The following CUL2 variants were observed in gnomAD, a reference collection of about 807,000 sequenced individuals.
The protein encoded by CUL2 is cullin-2.
CUL2 carries 22 observed loss-of-function variants against 110.2 expected under a neutral mutation model. The ratio of observed to expected loss-of-function variants is 0.20; its 90% CI spans 0.14 to 0.28. The LOEUF is 0.28. CUL2 is among the 10% of genes least tolerant of loss of function. The pLI is 1.00. For missense variants in CUL2, 631 were observed against 905.5 expected (o/e 0.70, Z 3.89); for synonymous variants, 279 against 293.2 (o/e 0.95, Z 0.49).
intron 15 of CUL2, among the ~76,000 whole-genome samples, 187 bp downstream of exon 15, chr10:35,029,301 C>A (rs2085419135): frequency 6.6e-6 from 1 of 152,160 alleles, no homozygotes; most frequent in African/African-American, 2.4e-5. Flanking sequence ...AAGAGATCTG[C>A]CTGCTTTGGC....
chr10:35,109,715 A>G (rs2087504723), intron 1 of CUL2, among the ~76,000 whole-genome samples: 1 of 152,232 alleles, frequency 6.6e-6, no homozygotes, highest in African/African-American at 2.4e-5. Context: ...GTGAAATAAA[A>G]TGAAAGCCAG....
chr10:35,082,295 C>G (rs2086962522), intron 1 of CUL2, among the ~76,000 whole-genome samples: 1 of 152,094 alleles, frequency 6.6e-6, no homozygotes, highest in Non-Finnish European at 1.5e-5. Flanking sequence ...ACACTAGACA[C>G]AAGGTGAAAA....
intron 1 of CUL2, among the ~76,000 whole-genome samples, chr10:35,104,139 T>C (rs1423431840): frequency 2.0e-5 from 3 of 152,088 alleles, no homozygotes; most frequent in Non-Finnish European, 1.5e-5. Flanking sequence ...CACACATACA[T>C]GCAGGGTCCA....
intron 8 of CUL2, among the ~76,000 whole-genome samples, chr10:35,041,713 T>A (rs948782784): frequency 6.6e-6 from 1 of 152,136 alleles, no homozygotes; most frequent in African/African-American, 2.4e-5. Context: ...GTTTTTTAAT[T>A]TTTTGTAGAG....
At chr10:35,110,266 T>C (rs1260178258) in intron 1 of CUL2, among the ~76,000 whole-genome samples, 1 of 152,140 alleles carries the variant, frequency 6.6e-6, no homozygotes, top group Non-Finnish European at 1.5e-5. Context: ...CTGGGTGGAT[T>C]AAAGAATAGA....
intron 1 of CUL2, among the ~76,000 whole-genome samples, chr10:35,083,325 A>C (rs1343832854): frequency 6.6e-6 from 1 of 152,206 alleles, no homozygotes; most frequent in Admixed American, 6.5e-5. Flanking sequence ...ACAAACACAC[A>C]TATACATGCA....
intron 1 of CUL2, among the ~76,000 whole-genome samples, chr10:35,073,377 T>G (rs755969745): frequency 1.3e-5 from 2 of 152,130 alleles, no homozygotes; most frequent in Non-Finnish European, 2.9e-5. Context: ...TCATCAACTG[T>G]GCACATGAGT....
At chr10:35,029,076 G>C (rs1410577336) in intron 15 of CUL2, among the ~76,000 whole-genome samples, 189 bp from the exon 16 acceptor site, 1 of 71,708 alleles carries the variant, frequency 1.4e-5, no homozygotes, top group South Asian at 4.1e-4. Context: ...TTTTTTTTTT[G>C]AGATGGAGTC....
rs185790998 is a variant in CUL2 at position 35,097,444 on chromosome 10, C to T, written c.167+3400G>A. Among the ~76,000 whole-genome samples the T allele has an allele frequency of 2.5e-3, 369 of 148,490 alleles. 3 individuals are homozygous for T. Among genetic ancestry groups the T allele is most frequent in the African/African-American group, 8.9e-3 (356 of 40,178 alleles). On this transcript the variant is annotated intron_variant, in intron 2 of 5. Coordinates refer to the CUL2 transcript ENST00000685421. ...GATTGAGATTGCAGTGAACTGTGAT[C>T]GCACCATTGCCCTCCAGCTTGGGCA...
intron 18 of CUL2, among the ~76,000 whole-genome samples, chr10:35,014,908 CA>C: frequency 6.6e-6 from 1 of 152,006 alleles, no homozygotes; most frequent in Non-Finnish European, 1.5e-5. Context: ...TTCTGGGCAG[CA>C]AAAATAGCAT....
intron 16 of CUL2, among the ~76,000 whole-genome samples, chr10:35,026,983 C>G (rs971519156): frequency 1.3e-5 from 2 of 151,862 alleles, no homozygotes; most frequent in Non-Finnish European, 2.9e-5. Flanking sequence ...ATCCCTCCCC[C>G]CTCCTCCCAG....
intron 19 of CUL2, 89 bp from the exon 20 acceptor site, chr10:35,012,053 CTTTTTTT>C (rs5784438): frequency 1.1e-5 from 5 of 475,720 alleles, no homozygotes; most frequent in East Asian, 8.2e-5. Context: ...AGTGCAAATA[CTTTTTTT>C]TTTTTTTTTT....
chr10:35,098,417 C>T (rs1488572595), intron 2 of CUL2, among the ~76,000 whole-genome samples: 3 of 152,020 alleles, frequency 2.0e-5, no homozygotes, highest in Non-Finnish European at 1.5e-5. Context: ...TTTTTCTGAA[C>T]TGTTACATCA....
chr10:35,047,916 A>G (rs77598809), intron 6 of CUL2, among the ~76,000 whole-genome samples: 3 of 151,912 alleles, frequency 2.0e-5, no homozygotes, highest in African/African-American at 7.2e-5. Context: ...AAAAAAAAAA[A>G]GGAAAAAAGG....
intron 16 of CUL2, among the ~76,000 whole-genome samples, chr10:35,026,342 C>G (rs2085335019): frequency 6.6e-6 from 1 of 152,038 alleles, no homozygotes; most frequent in Admixed American, 6.6e-5. Context: ...CTAATAACTC[C>G]CAGGGATATC....
chr10:35,051,570 G>C (rs2134856968), intron 5 of CUL2, among the ~76,000 whole-genome samples: 1 of 152,328 alleles, frequency 6.6e-6, no homozygotes, highest in East Asian at 1.9e-4. Flanking sequence ...CCGAGATCGT[G>C]CCACTGCACT....
chr10:35,053,613 G>C (rs1049164214), intron 5 of CUL2, among the ~76,000 whole-genome samples: 1 of 152,132 alleles, frequency 6.6e-6, no homozygotes. Context: ...TATTTTCCAA[G>C]TATGGATCAC....
intron 1 of CUL2, among the ~76,000 whole-genome samples, chr10:35,101,333 A>C (rs117314772): frequency 6.6e-6 from 1 of 152,338 alleles, no homozygotes; most frequent in Non-Finnish European, 1.5e-5. Context: ...TTCAGCATGG[A>C]GACAACGGGT....
chr10:35,074,017 C>T (rs952948604), intron 1 of CUL2: 5 of 714,528 alleles, frequency 7.0e-6, no homozygotes, highest in East Asian at 2.7e-5. Flanking sequence ...GTGCTGCGGC[C>T]GGTGCTCTAG....
Sources: allele counts gnomAD v4.1 joint callset (sites outside exome capture counted in the v4.1 genomes callset), GRCh38; gene constraint gnomAD v4.1.1; transcripts MANE v1.5; gene names NCBI Gene and HGNC (gene_info 2026-07-23, HGNC 2026-07-21).